SPNS3: variants seen among roughly 807,000 people sequenced by gnomAD.
SPNS3 encodes the protein SPNS lysolipid transporter 3, sphingosine-1-phosphate (putative).
Under a neutral mutation model 54.4 loss-of-function variants are expected in SPNS3, and 51 were observed. The ratio of observed to expected loss-of-function variants is 0.94; its 90% CI spans 0.75 to 1.18. SPNS3 has a LOEUF of 1.18. SPNS3 is among the 50% of genes most tolerant of loss of function. SPNS3 has a pLI of 0.00. For synonymous variants in SPNS3, 309 were observed against 294.7 expected (o/e 1.05, Z -0.50); for missense variants, 669 against 677.4 (o/e 0.99, Z 0.14).
At chr17:4,437,999 C>T (rs1349338605) in intron 1 of SPNS3, among the ~76,000 whole-genome samples, 1 of 152,162 alleles carries the variant, frequency 6.6e-6, no homozygotes, top group African/African-American at 2.4e-5. Context: ...GTGTTAGCCA[C>T]GATGGTCTTG....
chr17:4,483,168 G>C lies in SPNS3; in HGVS notation c.1180-3060G>C, dbSNP rs1471138443. Among the ~76,000 whole-genome samples, 1 of 152,226 alleles carries C rather than the reference G, an allele frequency of 6.6e-6. No individual in the cohort carries two copies. The highest frequency in any genetic ancestry group is 1.5e-5 in the Non-Finnish European group (1 of 68,038). ...GCGTCTGGGGGCGAGGCCTGGGTGG[G>C]GGTGCAGGAGGCAGGCTGCCTGGTG... On this transcript the variant is annotated intron_variant, in intron 9 of 11. Coordinates refer to ENST00000355530, the MANE Select transcript of SPNS3 (RefSeq NM_182538.5). The surrounding 1 kb of genome is among the most constrained non-coding windows in gnomAD (Gnocchi z 4.2).
At chr17:4,470,892 A>T (rs1971836782) in intron 8 of SPNS3, among the ~76,000 whole-genome samples, 1 of 151,848 alleles carries the variant, frequency 6.6e-6, no homozygotes, top group Non-Finnish European at 1.5e-5. Flanking sequence ...TAATATCTTT[A>T]CTTTTCCAGA....
At chr17:4,457,274 C>T (rs903578) in intron 8 of SPNS3, among the ~76,000 whole-genome samples, 72,735 of 152,076 alleles carry the variant, frequency 0.48, 21,070 homozygotes, top group Non-Finnish European at 0.63. Flanking sequence ...TGCCTGTAGT[C>T]CCAGCTACTG....
At position 4,433,991 on chromosome 17, in the gene SPNS3, G is replaced by A. The variant is rs1340305565; in HGVS notation, c.24G>A (p.Glu8=). The change falls in exon 1 of 12, where the codon GAG becomes GAA. Residue 8 remains glutamate, a synonymous_variant. Transcript: ENST00000355530. Reference sequence around the variant, plus strand: ...GCATGGCTGGGGGGATGTCAGCGGAGTGCCCTGAGCCTGGGCCAGGAGGTC... The same window carrying A: ...GCATGGCTGGGGGGATGTCAGCGGAATGCCCTGAGCCTGGGCCAGGAGGTC... The part of the protein sequence containing the change: MAGGMSA[E]CPEPGPGGLQ... 12 of 1,563,846 alleles carry A rather than the reference G, an allele frequency of 7.7e-6. No individual in the cohort carries two copies. The highest frequency in any genetic ancestry group is 1.7e-4 in the Middle Eastern group (1 of 5,728).
chr17:4,443,360 C>T (rs936554947), intron 2 of SPNS3, among the ~76,000 whole-genome samples: 5 of 152,140 alleles, frequency 3.3e-5, no homozygotes, highest in South Asian at 4.1e-4. Context: ...CGTGAGCCAC[C>T]GCGTCCAGCT....
chr17:4,465,226 C>T (rs533671762), intron 8 of SPNS3, among the ~76,000 whole-genome samples: 3 of 152,152 alleles, frequency 2.0e-5, no homozygotes, highest in Admixed American at 6.5e-5. Flanking sequence ...GTACACCTGT[C>T]TGTGGCCTCT....
chr17:4,463,674 G>A (rs923104361), intron 8 of SPNS3, among the ~76,000 whole-genome samples: 8 of 149,762 alleles, frequency 5.3e-5, no homozygotes, highest in Non-Finnish European at 8.9e-5. Flanking sequence ...GGGAGGTGGA[G>A]GTTGCAGTGA....
At chr17:4,444,143 C>T (rs909794870) in intron 2 of SPNS3, among the ~76,000 whole-genome samples, 1 of 151,684 alleles carries the variant, frequency 6.6e-6, no homozygotes, top group African/African-American at 2.4e-5. Context: ...GTCCAGGGAA[C>T]ATTTTACCTA....
Position 4,486,448 on chromosome 17 carries a change from T to G in SPNS3, c.1315T>G (p.Tyr439Asp). The G allele has an allele frequency of 4.3e-6, 7 of 1,612,210 alleles. No individual in the cohort carries two copies. The highest frequency in any genetic ancestry group is 5.9e-6 in the Non-Finnish European group (7 of 1,179,086). The change falls in exon 11 of 12, where the codon TAT (tyrosine) becomes GAT (aspartate). Residue 439 changes from tyrosine to aspartate, a missense_variant. By Grantham distance (160) the Tyr-to-Asp change is radical. Transcript: ENST00000355530. This position sits in a 1 kb window ranked among gnomAD's most constrained non-coding sequence, Gnocchi z 5.5. ...SVLRARRPDS[Y>D]LQRFRSLQQS... ...CCTGCGGGCCAGGCGCCCTGACTCCTATCTGCAGCGCTTCCGCAGCCTGCA... is the reference window on the plus strand; with the variant it reads ...CCTGCGGGCCAGGCGCCCTGACTCCGATCTGCAGCGCTTCCGCAGCCTGCA...
At position 4,477,970 on chromosome 17, in the gene SPNS3, C is replaced by CTTTTTTTTT. The variant is rs397837193; in HGVS notation, c.1114-591_1114-583dup. On this transcript the variant is annotated intron_variant, in intron 8 of 11. Transcript: ENST00000355530. ...AAAGTCTGTTTTTTTTTCACTTTTC[C>CTTTTTTTTT]TTTTTTTTTTTTTTTTTTTGAGGCG... is the stretch of plus-strand genomic sequence containing the variant. Among the ~76,000 whole-genome samples the CTTTTTTTTT allele has an allele frequency of 1.1e-3, 106 of 97,596 alleles. 15 individuals carry two copies. Among genetic ancestry groups the CTTTTTTTTT allele is most frequent in the African/African-American group, 3.9e-3 (86 of 21,910 alleles). 64.0% of individuals were successfully genotyped at this position (97,596 alleles called of 152,430 possible).
In SPNS3 at chr17:4,433,987, C is replaced by T. The variant is rs150610138; in HGVS notation, c.20C>T (p.Ala7Val). 363 of 1,555,350 alleles carry T rather than the reference C, an allele frequency of 2.3e-4. 2 individuals carry two copies. In the South Asian group the frequency reaches 2.5e-3, roughly 11 times the overall value. ...GCTGGCATGGCTGGGGGGATGTCAG[C>T]GGAGTGCCCTGAGCCTGGGCCAGGA... Reference protein sequence around the residue: MAGGMSAECPEPGPGGL... With the variant: MAGGMSVECPEPGPGGL... Residue 7 changes from alanine to valine, a missense_variant, in exon 1 of 12, where the codon GCG (alanine) becomes GTG (valine). Coordinates refer to ENST00000355530, the MANE Select transcript of SPNS3 (RefSeq NM_182538.5).
At position 4,449,236 on chromosome 17, in the gene SPNS3, T is replaced by C. The variant is rs1404460864; in HGVS notation, c.772T>C (p.Trp258Arg). ...CAGCTGGGGCACCTCGTCTTGCAGCTGGAGTTTCGTGTGGTCGACCCTCGG... is the reference window on the plus strand; with the variant it reads ...CAGCTGGGGCACCTCGTCTTGCAGCCGGAGTTTCGTGTGGTCGACCCTCGG... ...CEDVRYLGKNWSFVWSTLGVT... is the reference protein window; with the variant it reads ...CEDVRYLGKNRSFVWSTLGVT... The change falls in exon 7 of 12, where the codon TGG becomes CGG. Residue 258 changes from tryptophan to arginine, a missense_variant and splice_region_variant. By Grantham distance (101) the Trp-to-Arg change is moderately radical. Transcript: ENST00000355530. The C allele has an allele frequency of 6.2e-7, 1 of 1,610,182 alleles. No individual in the cohort carries two copies. The highest frequency in any genetic ancestry group is 8.5e-7 in the Non-Finnish European group (1 of 1,179,560).
intron 8 of SPNS3, among the ~76,000 whole-genome samples, chr17:4,459,279 T>C (rs748063571): frequency 6.6e-6 from 1 of 152,168 alleles, no homozygotes; most frequent in Admixed American, 6.5e-5. Flanking sequence ...TGAAGCACAG[T>C]GTCAGGCACG....
At chr17:4,476,712 C>T (rs535618088) in intron 8 of SPNS3, among the ~76,000 whole-genome samples, 1 of 152,186 alleles carries the variant, frequency 6.6e-6, no homozygotes, top group Admixed American at 6.5e-5. Context: ...TGTGGGTGCC[C>T]GGCCCCATGT....
chr17:4,472,935 C>A (rs1971898071), intron 8 of SPNS3, among the ~76,000 whole-genome samples: 1 of 151,562 alleles, frequency 6.6e-6, no homozygotes, highest in Non-Finnish European at 1.5e-5. Context: ...ATCACAGGTG[C>A]ATGCCACCAT....
chr17:4,459,428 G>A (rs141991468), intron 8 of SPNS3, among the ~76,000 whole-genome samples: 4 of 152,138 alleles, frequency 2.6e-5, no homozygotes, highest in African/African-American at 9.6e-5. Flanking sequence ...GTAGATATAG[G>A]CAGCTGGGTG....
intron 8 of SPNS3, among the ~76,000 whole-genome samples, chr17:4,476,945 G>A (rs970396706): frequency 2.0e-5 from 3 of 152,334 alleles, no homozygotes; most frequent in East Asian, 1.9e-4. Flanking sequence ...GTGGGTCCCC[G>A]GCTGGCGTGG....
chr17:4,474,594 G>A (rs554764727), intron 8 of SPNS3, among the ~76,000 whole-genome samples: 6 of 152,280 alleles, frequency 3.9e-5, no homozygotes, highest in African/African-American at 1.4e-4. Context: ...CTTTCCTCCT[G>A]CTTCCTCCTC....
intron 2 of SPNS3, among the ~76,000 whole-genome samples, chr17:4,441,844 ACCTCAAGTGGT>A (rs1970856345): frequency 6.6e-6 from 1 of 151,624 alleles, no homozygotes; most frequent in Non-Finnish European, 1.5e-5. Flanking sequence ...CGAACTCCTG[ACCTCAAGTGGT>A]CCACCAGCCT....
Sources: gnomAD v4.1 joint callset for allele counts (sites outside exome capture counted in the v4.1 genomes callset) on GRCh38, gnomAD v4.1.1 for gene constraint, Gnocchi (gnomAD v3.1) non-coding constraint, MANE v1.5 for transcripts, NCBI Gene and HGNC (gene_info 2026-07-23, HGNC 2026-07-21) for gene names.